Variants in PRKN observed in about 807,000 individuals in gnomAD.
PRKN encodes the protein parkin RBR E3 ubiquitin protein ligase.
PRKN carries 56 observed loss-of-function variants against 59.5 expected under a neutral mutation model. The observed-to-expected ratio is 0.94, with a 90% CI of 0.76 to 1.18. The LOEUF is 1.18. PRKN is among the 50% of genes most tolerant of loss of function. PRKN has a pLI of 0.00. For missense variants in PRKN, 657 were observed against 596.4 expected (o/e 1.10, Z -1.06); for synonymous variants, 250 against 222.1 (o/e 1.13, Z -1.12).
intron 6 of PRKN, among the ~76,000 whole-genome samples, chr6:161,916,924 C>T (rs544230736): frequency 6.6e-6 from 1 of 152,112 alleles, no homozygotes; most frequent in Non-Finnish European, 1.5e-5. Context: ...GCCCCAGCCT[C>T]CCGAGTAGCT....
At chr6:161,954,754 G>C (rs1299703502) in intron 6 of PRKN, among the ~76,000 whole-genome samples, 1 of 152,186 alleles carries the variant, frequency 6.6e-6, no homozygotes, top group African/African-American at 2.4e-5. Context: ...CTAAATTACA[G>C]TTTGTTGGTT....
At chr6:162,042,582 C>G (rs1001236184) in intron 5 of PRKN, among the ~76,000 whole-genome samples, 18 of 152,146 alleles carry the variant, frequency 1.2e-4, no homozygotes, top group Admixed American at 8.5e-4. Context: ...GTCCACTGTG[C>G]CTGGCTGAAC....
Position 161,396,308 on chromosome 6 carries a change from C to T in PRKN, c.1084-9431G>A, listed in dbSNP as rs1157339796. Among the ~76,000 whole-genome samples the T allele has an allele frequency of 6.6e-6, 1 of 152,162 alleles. No individual in the cohort carries two copies. Among genetic ancestry groups the T allele is most frequent in the Non-Finnish European group, 1.5e-5 (1 of 68,032 alleles). The stretch of plus-strand genomic sequence containing the variant: ...GAACTCTTGTTCAATGATATGTTCA[C>T]ACCATCCTGTTCATCTAAACAAACT... On this transcript the variant is annotated intron_variant, in intron 9 of 11. Transcript: ENST00000366898. The surrounding 1 kb of genome is among the most constrained non-coding windows in gnomAD (Gnocchi z 5.4).
chr6:162,038,228 A>T (rs933157210), intron 5 of PRKN, among the ~76,000 whole-genome samples: 5 of 152,158 alleles, frequency 3.3e-5, no homozygotes, highest in Non-Finnish European at 5.9e-5. Context: ...AGTTATTGTC[A>T]GAGCCACTTA....
At chr6:161,435,209 T>G (rs1788825207) in intron 9 of PRKN, among the ~76,000 whole-genome samples, 1 of 152,140 alleles carries the variant, frequency 6.6e-6, no homozygotes, top group Admixed American at 6.5e-5. Flanking sequence ...AGAGAGATGA[T>G]TTCACTCTAA....
chr6:162,343,553 G>A (rs965705096), intron 2 of PRKN, among the ~76,000 whole-genome samples: 5 of 152,200 alleles, frequency 3.3e-5, no homozygotes, highest in African/African-American at 1.2e-4. Flanking sequence ...TGGATCAGGT[G>A]AAGTATATTG....
chr6:162,516,754 C>G (rs1328121184), intron 1 of PRKN, among the ~76,000 whole-genome samples: 1 of 114,842 alleles, frequency 8.7e-6, no homozygotes, highest in Non-Finnish European at 1.7e-5. Context: ...CAGAGCGAGA[C>G]TCTACCATGA....
intron 6 of PRKN, among the ~76,000 whole-genome samples, chr6:161,872,706 C>A (rs770109872): frequency 6.6e-6 from 1 of 152,080 alleles, no homozygotes; most frequent in Non-Finnish European, 1.5e-5. Context: ...CTTCACTCCC[C>A]GGCCCTCCCG....
intron 7 of PRKN, among the ~76,000 whole-genome samples, chr6:161,632,541 G>T (rs1369669499): frequency 6.6e-6 from 1 of 152,078 alleles, no homozygotes; most frequent in Admixed American, 6.5e-5. Flanking sequence ...TGAAATAATA[G>T]AAGTCAAAAT....
At chr6:161,558,472 A>G (rs1382183256) in intron 8 of PRKN, among the ~76,000 whole-genome samples, 1 of 151,868 alleles carries the variant, frequency 6.6e-6, no homozygotes, top group Non-Finnish European at 1.5e-5. Context: ...GGCTGAGGTG[A>G]GAGGATCATT....
At chr6:161,843,756 C>G (rs1051917617) in intron 6 of PRKN, among the ~76,000 whole-genome samples, 3 of 152,224 alleles carry the variant, frequency 2.0e-5, no homozygotes, top group Admixed American at 2.0e-4. Flanking sequence ...TGTCACTGCA[C>G]TGCAGCCTGG....
intron 6 of PRKN, among the ~76,000 whole-genome samples, chr6:161,944,776 T>G (rs190364080): frequency 6.6e-6 from 1 of 152,230 alleles, no homozygotes; most frequent in East Asian, 1.9e-4. Context: ...GATTTTATCA[T>G]AGTCATGAAA....
Position 161,965,996 on chromosome 6 carries a change from A to G in PRKN, c.734+7306T>C, listed in dbSNP as rs556166995. ...GGGCCTGGAAGAAAAATATCTAGCT[A>G]TGTTATCTAGATAGAAAAATATCTA... is the stretch of plus-strand genomic sequence containing the variant. On this transcript the variant is annotated intron_variant, in intron 6 of 11. Coordinates refer to ENST00000366898, the MANE Select transcript of PRKN (RefSeq NM_004562.3). 5.3e-5 allele frequency among the ~76,000 whole-genome samples: 8 copies of G among 152,184 alleles called. No homozygotes were observed. The East Asian group carries it at 1.4e-3, about 26-fold the overall frequency.
At chr6:162,558,396 C>G (rs1371714618) in intron 1 of PRKN, among the ~76,000 whole-genome samples, 1 of 149,488 alleles carries the variant, frequency 6.7e-6, no homozygotes, top group African/African-American at 2.5e-5. Flanking sequence ...ATGGCGCCAT[C>G]TCGGCTCACT....
At position 161,487,663 on chromosome 6, in the gene PRKN, T is replaced by C. The variant is rs1777374623; in HGVS notation, c.1083+61191A>G. 6.6e-6 allele frequency among the ~76,000 whole-genome samples: 1 copy of C among 152,190 alleles called. No homozygotes were observed. The highest frequency in any genetic ancestry group is 6.5e-5 in the Admixed American group (1 of 15,284). On this transcript the variant is annotated intron_variant, in intron 9 of 11. Coordinates refer to ENST00000366898, the MANE Select transcript of PRKN (RefSeq NM_004562.3). This position sits in a 1 kb window ranked among gnomAD's most constrained non-coding sequence, Gnocchi z 5.3. ...AATATTGACTACTGATATGATAATA[T>C]GTGTATTCATGTAGGAGGTAGGGGT...
rs77911415 is a variant in PRKN at position 162,455,614 on chromosome 6, A to G, written c.8-12141T>C. ...CTGAAATGTTACTATGTGGTGCTTGACAGATATAAGATGGCTATGGGGGCC... is the reference window on the plus strand; with the variant it reads ...CTGAAATGTTACTATGTGGTGCTTGGCAGATATAAGATGGCTATGGGGGCC... On this transcript the variant is annotated intron_variant, in intron 1 of 11. Coordinates refer to ENST00000366898, the MANE Select transcript of PRKN (RefSeq NM_004562.3). Among the ~76,000 whole-genome samples, 304 of 152,284 alleles carry G rather than the reference A, an allele frequency of 2.0e-3. 5 individuals are homozygous for G. In the South Asian group the frequency reaches 0.024, roughly 12 times the overall value.
chr6:161,383,776 C>T (rs73606904), intron 10 of PRKN, among the ~76,000 whole-genome samples: 4,051 of 152,298 alleles, frequency 0.027, 192 homozygotes, highest in African/African-American at 0.094. Flanking sequence ...CAGGTCATCC[C>T]TTTCATTAAC....
chr6:161,705,218 A>G (rs950522224), intron 7 of PRKN, among the ~76,000 whole-genome samples: 10 of 152,192 alleles, frequency 6.6e-5, no homozygotes, highest in Non-Finnish European at 1.3e-4. Context: ...TGAAAATATC[A>G]TAAGTCAAAA....
intron 6 of PRKN, among the ~76,000 whole-genome samples, chr6:161,957,433 T>A (rs916196547): frequency 2.6e-5 from 2 of 76,758 alleles, no homozygotes; most frequent in Non-Finnish European, 5.5e-5. Context: ...TGTTTGTTTG[T>A]TTGTTTTTTT....
Sources: gnomAD v4.1 joint callset for allele counts (sites outside exome capture counted in the v4.1 genomes callset) on GRCh38, gnomAD v4.1.1 for gene constraint, Gnocchi (gnomAD v3.1) non-coding constraint, MANE v1.5 for transcripts, NCBI Gene and HGNC (gene_info 2026-07-23, HGNC 2026-07-21) for gene names.